SUPT3H: variants seen among roughly 807,000 people sequenced by gnomAD.
SUPT3H encodes the protein transcription initiation protein SPT3 homolog.
A neutral mutation model predicts 44.3 loss-of-function variants in SUPT3H; 44 were observed. That is an observed-to-expected ratio of 0.99 (90% CI 0.78 to 1.28). The LOEUF is 1.28. SUPT3H is among the 50% of genes most tolerant of loss of function. The pLI, the probability that SUPT3H is intolerant of heterozygous loss-of-function variation, is 0.00. For synonymous variants in SUPT3H, 124 were observed against 125.6 expected (o/e 0.99, Z 0.09); for missense variants, 380 against 387.1 (o/e 0.98, Z 0.15).
At chr6:44,910,692 A>C (rs1766873300) in intron 10 of SUPT3H, among the ~76,000 whole-genome samples, 1 of 26,718 alleles carries the variant, frequency 3.7e-5, no homozygotes, top group African/African-American at 5.6e-5. Context: ...ATTTTCTTTC[A>C]AATTAAAAAA....
chr6:44,825,732 G>C (rs1483845742), downstream of SUPT3H, among the ~76,000 whole-genome samples: 1 of 152,176 alleles, frequency 6.6e-6, no homozygotes, highest in Non-Finnish European at 1.5e-5. Flanking sequence ...ATAGCAAGTA[G>C]AGTGTTACCT....
chr6:45,352,471 C>T (rs1232134496), intron 2 of SUPT3H, among the ~76,000 whole-genome samples: 1 of 152,062 alleles, frequency 6.6e-6, no homozygotes, highest in Non-Finnish European at 1.5e-5. Flanking sequence ...TGAAACATTG[C>T]TGGAGTCTGG....
chr6:45,134,013 G>A (rs1207262511), intron 2 of SUPT3H, among the ~76,000 whole-genome samples: 1 of 152,112 alleles, frequency 6.6e-6, no homozygotes, highest in African/African-American at 2.4e-5. Context: ...CATTAATAAA[G>A]TTTGTTCCTG....
At chr6:45,127,530 T>C (rs2153582143) in intron 2 of SUPT3H, among the ~76,000 whole-genome samples, 1 of 152,260 alleles carries the variant, frequency 6.6e-6, no homozygotes, top group East Asian at 1.9e-4. Context: ...ACAAATATGG[T>C]AAAATTACCT....
intron 10 of SUPT3H, among the ~76,000 whole-genome samples, chr6:44,904,467 A>G (rs955445521): frequency 1.4e-4 from 22 of 152,170 alleles, no homozygotes; most frequent in African/African-American, 2.2e-4. Context: ...TACAAGGGAC[A>G]TGAAGGACCT....
chr6:45,244,713 C>G (rs1409719017), intron 2 of SUPT3H, among the ~76,000 whole-genome samples: 1 of 151,648 alleles, frequency 6.6e-6, no homozygotes, highest in Non-Finnish European at 1.5e-5. Flanking sequence ...CAGTAAACTT[C>G]TATCTCTTCC....
At chr6:44,932,589 C>T in intron 10 of SUPT3H, 64 bp downstream of exon 10, 1 of 1,164,270 alleles carries the variant, frequency 8.6e-7, no homozygotes, top group Non-Finnish European at 1.2e-6. Flanking sequence ...TTCATTTGAC[C>T]ACTTGAAAAT....
At chr6:45,117,312 A>G (rs1250320178) in intron 2 of SUPT3H, among the ~76,000 whole-genome samples, 1 of 152,054 alleles carries the variant, frequency 6.6e-6, no homozygotes, top group Non-Finnish European at 1.5e-5. Flanking sequence ...ATAACTCTCC[A>G]TCTCATCCAG....
At chr6:45,148,979 GT>G (rs1254411048) in intron 2 of SUPT3H, among the ~76,000 whole-genome samples, 1 of 152,024 alleles carries the variant, frequency 6.6e-6, no homozygotes, top group East Asian at 1.9e-4. Context: ...AAGTTACAGT[GT>G]TTTCCCATCT....
intron 10 of SUPT3H, among the ~76,000 whole-genome samples, chr6:44,880,299 G>C (rs143524378): frequency 0.019 from 2,874 of 152,004 alleles, 84 homozygotes; most frequent in African/African-American, 0.065. Flanking sequence ...ATCAGTAGCC[G>C]AATCGATCAA....
intron 2 of SUPT3H, among the ~76,000 whole-genome samples, chr6:45,210,655 A>G (rs1269095153): frequency 6.6e-6 from 1 of 152,206 alleles, no homozygotes; most frequent in Non-Finnish European, 1.5e-5. Flanking sequence ...GAACTTCCTG[A>G]GGCTGTCTCA....
At chr6:45,041,871 T>C (rs1477889818) in intron 3 of SUPT3H, among the ~76,000 whole-genome samples, 2 of 152,160 alleles carry the variant, frequency 1.3e-5, no homozygotes, top group African/African-American at 2.4e-5. Flanking sequence ...GGCTACTCCT[T>C]CTTAGGGTTA....
intron 2 of SUPT3H, among the ~76,000 whole-genome samples, chr6:45,120,422 A>AAAAAAAAAAAAAAAAAC (rs1801472103): frequency 7.0e-6 from 1 of 143,840 alleles, no homozygotes; most frequent in Non-Finnish European, 1.5e-5. Flanking sequence ...TTGTCTAAAA[A>AAAAAAAAAAAAAAAAAC]AAAAAAAAAA....
chr6:45,226,688 C>A (rs987263203), intron 2 of SUPT3H, among the ~76,000 whole-genome samples: 1 of 152,166 alleles, frequency 6.6e-6, no homozygotes, highest in Non-Finnish European at 1.5e-5. Context: ...CATGCCACCA[C>A]ACCCAGCTAA....
At chr6:45,295,882 G>A (rs773967521) in intron 2 of SUPT3H, among the ~76,000 whole-genome samples, 2 of 152,068 alleles carry the variant, frequency 1.3e-5, no homozygotes, top group African/African-American at 2.4e-5. Context: ...GCTGGTGGGA[G>A]TACAAACTAG....
At chr6:44,961,523 T>C (rs1200655991) in intron 7 of SUPT3H, among the ~76,000 whole-genome samples, 1 of 152,204 alleles carries the variant, frequency 6.6e-6, no homozygotes, top group Non-Finnish European at 1.5e-5. Flanking sequence ...TAGCACTCTG[T>C]ATATTACCAG....
intron 2 of SUPT3H, among the ~76,000 whole-genome samples, chr6:45,177,106 C>T (rs1043857503): frequency 2.5e-4 from 38 of 152,080 alleles, no homozygotes; most frequent in Admixed American, 1.0e-3. Context: ...AGGCTTCAGA[C>T]GATCAAATTA....
chr6:44,813,150 G>A (rs1361226179), intron 11 of SUPT3H, among the ~76,000 whole-genome samples: 1 of 152,080 alleles, frequency 6.6e-6, no homozygotes, highest in Non-Finnish European at 1.5e-5. Flanking sequence ...TACCCCATCT[G>A]CCTGCCAGAA....
intron 2 of SUPT3H, among the ~76,000 whole-genome samples, chr6:45,271,249 T>C (rs557653636): frequency 2.0e-5 from 3 of 152,282 alleles, no homozygotes; most frequent in South Asian, 4.1e-4. Context: ...CCCAAGATAA[T>C]GAGCAAAATG....
Sources: allele counts gnomAD v4.1 joint callset (sites outside exome capture counted in the v4.1 genomes callset), GRCh38; gene constraint gnomAD v4.1.1; transcripts MANE v1.5; gene names NCBI Gene and HGNC (gene_info 2026-07-23, HGNC 2026-07-21).